The following SRPK1 variants were observed in gnomAD, a reference collection of about 807,000 sequenced individuals.
SRPK1 encodes the protein SRSF protein kinase 1, also known as SFRS protein kinase 1.
SRPK1 carries 52 observed loss-of-function variants against 89.5 expected under a neutral mutation model. The ratio of observed to expected loss-of-function variants is 0.58; its 90% CI spans 0.46 to 0.73. The LOEUF (loss-of-function observed/expected upper bound fraction) is 0.73, where lower values mean the gene tolerates loss of function less well. SRPK1 is among the 30% of genes least tolerant of loss of function. SRPK1 has a pLI of 0.00. For synonymous variants in SRPK1, 255 were observed against 270.2 expected, an observed-to-expected ratio of 0.94 and a Z score of 0.55; for missense variants, 603 against 780.6, an observed-to-expected ratio of 0.77 and a Z score of 2.71.
chr6:35,895,268 T>A (rs1770606194), intron 2 of SRPK1, among the ~76,000 whole-genome samples: 1 of 152,128 alleles, frequency 6.6e-6, no homozygotes, highest in African/African-American at 2.4e-5. Flanking sequence ...AAGCACAAAA[T>A]ACCTAATTAT....
chr6:35,844,561 A>G (rs1769387749), intron 13 of SRPK1, among the ~76,000 whole-genome samples: 1 of 152,202 alleles, frequency 6.6e-6, no homozygotes, highest in Non-Finnish European at 1.5e-5. Flanking sequence ...GAGGGAGACC[A>G]CAAAACCAGA....
intron 6 of SRPK1, among the ~76,000 whole-genome samples, chr6:35,886,370 G>A (rs112296712): frequency 0.016 from 2,429 of 152,136 alleles, 26 homozygotes; most frequent in Middle Eastern, 0.041. Flanking sequence ...TTGAGCCACC[G>A]TGCCCGGCCT....
chr6:35,853,851 T>C (rs375178771), intron 13 of SRPK1, among the ~76,000 whole-genome samples: 2 of 151,010 alleles, frequency 1.3e-5, no homozygotes, highest in African/African-American at 2.4e-5. Flanking sequence ...CTGCCAGTTA[T>C]GGTCCTACCT....
intron 6 of SRPK1, among the ~76,000 whole-genome samples, chr6:35,880,735 G>A (rs7752312): frequency 0.31 from 8,024 of 25,778 alleles, 741 homozygotes; most frequent in African/African-American, 0.54. Flanking sequence ...AAAAAAAAAA[G>A]AAAAAAAAAA....
chr6:35,901,021 A>G (rs1403411796), intron 2 of SRPK1, among the ~76,000 whole-genome samples: 4 of 152,168 alleles, frequency 2.6e-5, no homozygotes, highest in Admixed American at 2.6e-4. Flanking sequence ...TTAAAGAGAG[A>G]AAGAAGGAGA....
At chr6:35,907,340 T>C (rs1770869458) in intron 2 of SRPK1, among the ~76,000 whole-genome samples, 1 of 152,196 alleles carries the variant, frequency 6.6e-6, no homozygotes, top group South Asian at 2.1e-4. Flanking sequence ...TATACTACCG[T>C]AGCTATGCTT....
At chr6:35,858,264 T>C (rs1367228919) in intron 12 of SRPK1, among the ~76,000 whole-genome samples, 1 of 152,138 alleles carries the variant, frequency 6.6e-6, no homozygotes, top group African/African-American at 2.4e-5. Context: ...TTGAAGTACA[T>C]ACTAGACATT....
At position 35,869,561 on chromosome 6, in the gene SRPK1, T is replaced by C. The variant is rs751013450; in HGVS notation, c.1332A>G (p.Gln444=). 4 of 1,613,850 alleles carry C rather than the reference T, an allele frequency of 2.5e-6. No individual in the cohort carries two copies. The highest frequency in any genetic ancestry group is 3.4e-6 in the Non-Finnish European group (4 of 1,179,884). ...TCTCTGCCCGAATGCTTTCTTGAAG[T>C]TGGCTAATGTGTTGTTCACTGAATG... The part of the protein sequence containing the change: ...GQSFSEQHIS[Q]LQESIRAEIP... The change falls in exon 11 of 16, where the codon CAA becomes CAG. Residue 444 remains glutamine, a synonymous_variant. Transcript: ENST00000373825.
At chr6:35,881,331 T>A (rs1770283349) in intron 6 of SRPK1, among the ~76,000 whole-genome samples, 1 of 152,154 alleles carries the variant, frequency 6.6e-6, no homozygotes. Flanking sequence ...TTATAACTCC[T>A]CTTTTTGTTT....
intron 2 of SRPK1, among the ~76,000 whole-genome samples, chr6:35,894,225 T>C (rs1483668644): frequency 1.3e-5 from 2 of 151,280 alleles, no homozygotes; most frequent in East Asian, 3.9e-4. Context: ...AGACCAAACT[T>C]AAAAACTAGT....
At chr6:35,863,710 C>T (rs1048398260) in intron 12 of SRPK1, among the ~76,000 whole-genome samples, 1 of 151,910 alleles carries the variant, frequency 6.6e-6, no homozygotes, top group African/African-American at 2.4e-5. Flanking sequence ...ATTTTATCAA[C>T]ACCAGACCTA....
intron 6 of SRPK1, among the ~76,000 whole-genome samples, chr6:35,875,300 G>A (rs1770132593): frequency 6.7e-6 from 1 of 149,704 alleles, no homozygotes; most frequent in Non-Finnish European, 1.5e-5. Flanking sequence ...CTGTTGCCCA[G>A]GCTGGAGTGC....
intron 12 of SRPK1, among the ~76,000 whole-genome samples, chr6:35,861,389 C>A (rs908046661): frequency 5.9e-5 from 9 of 152,208 alleles, no homozygotes; most frequent in Admixed American, 2.6e-4. Context: ...CACAGAGAAT[C>A]CCACAGGCAT....
chr6:35,874,475 T>C lies in SRPK1; in HGVS notation c.479-136A>G, dbSNP rs1364281913. ...GTTACAGAGCTTGAATGAATAAATA[T>C]GTAGCTGTTAATATTCTAAAATTTC... is the stretch of plus-strand genomic sequence containing the variant. On this transcript the variant is annotated intron_variant, in intron 6 of 15. Coordinates refer to ENST00000373825, the MANE Select transcript of SRPK1 (RefSeq NM_003137.5). 7.9e-6 allele frequency: 5 copies of C among 636,090 alleles called. No homozygotes were observed. The East Asian group carries it at 1.4e-4, about 18-fold the overall frequency. The allele number at this position is 636,090 out of a possible 1,614,324, so 39.4% of individuals were successfully genotyped here. A position where few individuals can be genotyped will look rare whatever the true frequency, so the allele number is the denominator to read the frequency against.
At chr6:35,864,929 G>A (rs1281508925) in intron 12 of SRPK1, among the ~76,000 whole-genome samples, 1 of 152,110 alleles carries the variant, frequency 6.6e-6, no homozygotes, top group Non-Finnish European at 1.5e-5. Flanking sequence ...AGATAAGCCA[G>A]GCACAGAAAG....
chr6:35,881,632 C>T (rs1373193090), intron 6 of SRPK1, among the ~76,000 whole-genome samples: 1 of 151,556 alleles, frequency 6.6e-6, no homozygotes, highest in Non-Finnish European at 1.5e-5. Context: ...GATTTTCAAT[C>T]AGAAAAAGTT....
intron 2 of SRPK1, among the ~76,000 whole-genome samples, chr6:35,906,690 T>A (rs1231064926): frequency 1.3e-5 from 2 of 152,220 alleles, no homozygotes; most frequent in African/African-American, 4.8e-5. Context: ...TGACTGCTAA[T>A]AGGTCCAGGT....
intron 2 of SRPK1, among the ~76,000 whole-genome samples, chr6:35,917,990 C>T (rs1771149357): frequency 6.6e-6 from 1 of 152,164 alleles, no homozygotes; most frequent in South Asian, 2.1e-4. Flanking sequence ...AATCTTCTTC[C>T]TGACTCACCT....
chr6:35,863,454 TAA>T (rs58738266), intron 12 of SRPK1, among the ~76,000 whole-genome samples: 6 of 137,604 alleles, frequency 4.4e-5, no homozygotes, highest in African/African-American at 8.1e-5. Context: ...CCCTGTTTCT[TAA>T]AAAAAAAAAA....
Sources: allele counts gnomAD v4.1 joint callset (sites outside exome capture counted in the v4.1 genomes callset), GRCh38; gene constraint gnomAD v4.1.1; transcripts MANE v1.5; gene names NCBI Gene and HGNC (gene_info 2026-07-23, HGNC 2026-07-21).